Variants in ZEB2 observed in about 807,000 individuals in gnomAD.
The protein encoded by ZEB2 is zinc finger E-box-binding homeobox 2.
Under a neutral mutation model 99.9 loss-of-function variants are expected in ZEB2, and 6 were observed. The observed-to-expected ratio is 0.06, with a 90% CI of 0.03 to 0.12. The LOEUF is 0.12. Among genes scored for constraint, ZEB2 ranks in the 10% least tolerant of loss-of-function variants. The pLI, the probability that ZEB2 is intolerant of heterozygous loss-of-function variation, is 1.00. For synonymous variants in ZEB2, 517 were observed against 542.5 expected (o/e 0.95, Z 0.65); for missense variants, 969 against 1,502.8 (o/e 0.64, Z 5.87).
intron 4 of ZEB2, 145 bp from the exon 5 acceptor site, chr2:144,405,169 G>T: frequency 1.2e-6 from 1 of 859,348 alleles, no homozygotes; most frequent in Non-Finnish European, 1.9e-6. Context: ...GAAGATGACC[G>T]ATTATTGACT....
chr2:144,473,455 G>T (rs1704387018), intron 2 of ZEB2, among the ~76,000 whole-genome samples: 1 of 152,148 alleles, frequency 6.6e-6, no homozygotes, highest in Admixed American at 6.5e-5. Context: ...TAGAGACAGG[G>T]TCCCACTATG....
intron 2 of ZEB2, chr2:144,512,637 C>T (rs1422008615): frequency 7.8e-7 from 1 of 1,287,160 alleles, no homozygotes; most frequent in South Asian, 1.2e-5. Flanking sequence ...GTTTAAAATC[C>T]TCAGCCCACC....
In ZEB2 at chr2:144,401,236, A is replaced by G. The variant is rs1703306115; in HGVS notation, c.879T>C (p.Tyr293=). 6.2e-7 allele frequency: 1 copy of G among 1,614,176 alleles called. No individual in the cohort carries two copies. Among genetic ancestry groups the G allele is most frequent in the Non-Finnish European group, 8.5e-7 (1 of 1,180,006 alleles). Residue 293 remains tyrosine (Y), a synonymous_variant, in exon 7 of 10, where the codon TAT becomes TAC. Coordinates refer to ENST00000627532, the MANE Select transcript of ZEB2 (RefSeq NM_014795.4). ...KCTECGKAFK[Y]KHHLKEHLRI... is the part of the protein sequence containing the mutation. ...GCAGGTGTTCTTTCAGATGGTGTTTATATTTGAAGGCCTTGCCACACTCTG... is the reference window on the plus strand; with the variant it reads ...GCAGGTGTTCTTTCAGATGGTGTTTGTATTTGAAGGCCTTGCCACACTCTG...
At chr2:144,512,821 C>T (rs749876598) in intron 2 of ZEB2, 25 of 1,286,954 alleles carry the variant, frequency 1.9e-5, no homozygotes, top group South Asian at 2.5e-5. Context: ...ACAAAACTTG[C>T]AGAAGATCTC....
At chr2:144,405,320 A>AT (rs927082297) in intron 4 of ZEB2, 11 of 352,698 alleles carry the variant, frequency 3.1e-5, no homozygotes, top group South Asian at 9.8e-5. Flanking sequence ...TTTTTCATAA[A>AT]TTTTTTTTAA....
intron 4 of ZEB2, among the ~76,000 whole-genome samples, chr2:144,419,047 G>T (rs919807459): frequency 1.3e-5 from 2 of 152,008 alleles, no homozygotes; most frequent in South Asian, 4.2e-4. Flanking sequence ...TCCCTACAGC[G>T]AGGCCTTGTA....
At chr2:144,440,517 T>TATATATATATATA (rs1463273071) in intron 2 of ZEB2, among the ~76,000 whole-genome samples, 6 of 9,768 alleles carry the variant, frequency 6.1e-4, no homozygotes, top group African/African-American at 1.2e-3. Context: ...ATATATATAT[T>TATATATATATATA]TTTTTTTTTT....
intron 2 of ZEB2, among the ~76,000 whole-genome samples, chr2:144,473,620 C>T (rs1381740787): frequency 2.6e-5 from 4 of 151,990 alleles, no homozygotes; most frequent in African/African-American, 9.7e-5. Flanking sequence ...TCTGATGAGG[C>T]GGCATGGATA....
In ZEB2 at chr2:144,399,739, A is replaced by G; in HGVS notation, c.1448T>C (p.Ile483Thr). Residue 483 changes from isoleucine (I) to threonine (T), a missense_variant, in exon 8 of 10, where the codon ATT becomes ACT. Coordinates refer to ENST00000627532, the MANE Select transcript of ZEB2 (RefSeq NM_014795.4). This position sits in a 1 kb window ranked among gnomAD's most constrained non-coding sequence, Gnocchi z 5.6. ...RQKMDCKAEE[I>T]SKLKGYHMKD... ...CATGTGATAACCTTTCAACTTTGAA[A>G]TTTCTTCAGCCTTGCAGTCCATTTT... 6.2e-7 allele frequency: 1 copy of G among 1,613,870 alleles called. No homozygotes were observed. The highest frequency in any genetic ancestry group is 8.5e-7 in the Non-Finnish European group (1 of 1,179,876).
intron 2 of ZEB2, among the ~76,000 whole-genome samples, chr2:144,472,768 T>C (rs141980296): frequency 6.6e-6 from 1 of 152,158 alleles, no homozygotes; most frequent in East Asian, 1.9e-4. Flanking sequence ...GGAACATGTA[T>C]ACCATGAGAA....
intron 2 of ZEB2, among the ~76,000 whole-genome samples, chr2:144,488,069 T>A (rs1704625050): frequency 6.6e-6 from 1 of 152,126 alleles, no homozygotes; most frequent in Non-Finnish European, 1.5e-5. Context: ...CCAGGGGAGC[T>A]TTGGAGGAGA....
intron 2 of ZEB2, among the ~76,000 whole-genome samples, chr2:144,460,220 G>C (rs557212181): frequency 1.3e-5 from 2 of 152,234 alleles, no homozygotes; most frequent in South Asian, 4.1e-4. Flanking sequence ...CCATGGACAC[G>C]TCAGTGTTGT....
At chr2:144,516,790 A>C (rs1216021983) in intron 2 of ZEB2, 1 of 151,138 alleles carries the variant, frequency 6.6e-6, no homozygotes, top group African/African-American at 2.4e-5. Context: ...AGAAACTTTA[A>C]GCCTCGCTGA....
chr2:144,480,567 T>C (rs1233521364), intron 2 of ZEB2, among the ~76,000 whole-genome samples: 1 of 152,164 alleles, frequency 6.6e-6, no homozygotes, highest in Non-Finnish European at 1.5e-5. Context: ...AAATGTTGCT[T>C]GGCCCTACTC....
chr2:144,420,626 A>T (rs1332077871), intron 4 of ZEB2, among the ~76,000 whole-genome samples: 1 of 152,134 alleles, frequency 6.6e-6, no homozygotes, highest in Non-Finnish European at 1.5e-5. Flanking sequence ...AGAACCCCAC[A>T]AGGGTTCTGA....
intron 6 of ZEB2, among the ~76,000 whole-genome samples, chr2:144,403,354 T>C (rs908466953): frequency 2.0e-5 from 3 of 152,106 alleles, no homozygotes; most frequent in African/African-American, 7.2e-5. Context: ...AACGTTTTAG[T>C]ACTAATCCAA....
intron 9 of ZEB2, among the ~76,000 whole-genome samples, chr2:144,395,332 T>C (rs1161020617): frequency 1.3e-5 from 2 of 152,076 alleles, no homozygotes; most frequent in South Asian, 2.1e-4. Flanking sequence ...TCTTTTTCTT[T>C]TGTGCCTCAT....
At chr2:144,445,848 G>A (rs1020376774) in intron 2 of ZEB2, among the ~76,000 whole-genome samples, 2 of 152,088 alleles carry the variant, frequency 1.3e-5, no homozygotes, top group Non-Finnish European at 2.9e-5. Flanking sequence ...TCCACTTTGG[G>A]GAATCTCAGA....
intron 9 of ZEB2, among the ~76,000 whole-genome samples, chr2:144,392,923 A>T (rs899826422): frequency 6.6e-6 from 1 of 152,220 alleles, no homozygotes; most frequent in African/African-American, 2.4e-5. Flanking sequence ...TATGAAAAAA[A>T]TTACCATATA....
Sources: allele counts gnomAD v4.1 joint callset (sites outside exome capture counted in the v4.1 genomes callset), GRCh38; gene constraint gnomAD v4.1.1; non-coding constraint Gnocchi (gnomAD v3.1); transcripts MANE v1.5; gene names NCBI Gene and HGNC (gene_info 2026-07-23, HGNC 2026-07-21).